EPB41L4A: variants seen among roughly 807,000 people sequenced by gnomAD.
The protein encoded by EPB41L4A is erythrocyte membrane protein band 4.1 like 4A.
A neutral mutation model predicts 108.6 loss-of-function variants in EPB41L4A; 100 were observed. That is an observed-to-expected ratio of 0.92 (90% CI 0.78 to 1.09). EPB41L4A has a LOEUF of 1.09. Ranked by LOEUF, EPB41L4A falls within the 50% of genes least tolerant of loss-of-function variation. The probability of loss-of-function intolerance (pLI) is 0.00; values close to 1 mark genes in which losing one functional copy is unlikely to be tolerated. For missense variants in EPB41L4A, 1,030 were observed against 842.7 expected (o/e 1.22, Z -2.75); for synonymous variants, 319 against 289.0 (o/e 1.10, Z -1.05).
intron 2 of EPB41L4A, among the ~76,000 whole-genome samples, chr5:112,297,230 G>A (rs761013859): frequency 8.5e-5 from 13 of 152,128 alleles, no homozygotes; most frequent in Non-Finnish European, 1.6e-4. Flanking sequence ...TTTCCATAGT[G>A]GCTGTACTAG....
intron 1 of EPB41L4A, among the ~76,000 whole-genome samples, chr5:112,312,505 T>C (rs72781677): frequency 0.17 from 25,573 of 151,860 alleles, 2,624 homozygotes; most frequent in African/African-American, 0.28. Flanking sequence ...AGTGCAGGTG[T>C]GTCTACACAG....
chr5:112,305,902 G>A (rs1411553752), intron 2 of EPB41L4A, among the ~76,000 whole-genome samples: 1 of 152,074 alleles, frequency 6.6e-6, no homozygotes, highest in African/African-American at 2.4e-5. Flanking sequence ...ACCTTTAGGA[G>A]TAAAAGTAAG....
intron 9 of EPB41L4A, among the ~76,000 whole-genome samples, chr5:112,255,326 A>G (rs77369145): frequency 0.028 from 4,197 of 152,082 alleles, 283 homozygotes; most frequent in East Asian, 0.27. Flanking sequence ...ATATGCATCA[A>G]TTTATTTGTT....
At position 112,259,936 on chromosome 5, in the gene EPB41L4A, C is replaced by T; in HGVS notation, c.686G>A (p.Gly229Asp). The change falls in exon 8 of 23, where the codon GGT (glycine) becomes GAT (aspartate). Residue 229 changes from glycine to aspartate, a missense_variant. Gly to Asp is a moderately conservative substitution (Grantham distance 94). Coordinates refer to ENST00000261486, the MANE Select transcript of EPB41L4A (RefSeq NM_022140.5). ...SEYFLGLTPV[G>D]VVVYKNKKQV... ...CTTTTTATTCTTGTACACAACAACA[C>T]CAACCGGAGTTAATCCTAAGAAATA... 1 of 1,614,102 alleles carries T rather than the reference C, an allele frequency of 6.2e-7. No individual in the cohort carries two copies. The highest frequency in any genetic ancestry group is 8.5e-7 in the Non-Finnish European group (1 of 1,179,972).
upstream of EPB41L4A, chr5:112,419,787 C>T (rs1449097103): frequency 2.2e-6 from 1 of 456,626 alleles, no homozygotes; most frequent in Non-Finnish European, 4.4e-6. Flanking sequence ...GTCAGCTCGT[C>T]GCGGGGTGTG....
At chr5:112,231,556 C>T (rs1222326394) in intron 12 of EPB41L4A, among the ~76,000 whole-genome samples, 1 of 150,924 alleles carries the variant, frequency 6.6e-6, no homozygotes, top group Non-Finnish European at 1.5e-5. Flanking sequence ...GAGGCCGAGG[C>T]GGGTGGATCA....
chr5:112,259,098 C>A, intron 9 of EPB41L4A, 131 bp downstream of exon 9: 1 of 697,440 alleles, frequency 1.4e-6, no homozygotes, highest in Admixed American at 2.4e-5. Context: ...AGAAGTTGTG[C>A]ATGTGAGTTA....
At chr5:112,155,778 T>C (rs1352653683) in intron 12 of EPB41L4A, among the ~76,000 whole-genome samples, 2 of 152,188 alleles carry the variant, frequency 1.3e-5, no homozygotes, top group East Asian at 1.9e-4. Flanking sequence ...AAATTTAATA[T>C]AGGTTTACCA....
In EPB41L4A at chr5:112,387,996, G is replaced by A. The variant is rs185308661; in HGVS notation, c.99+30945C>T. 2.0e-5 allele frequency among the ~76,000 whole-genome samples: 3 copies of A among 152,252 alleles called. No individual in the cohort carries two copies. The East Asian group carries it at 5.8e-4, about 29-fold the overall frequency. Reference sequence around the variant, plus strand: ...GTATCTCAATTTTCTATCACTGTAGGAGGACTGACAGAAATTTTAAGGCAC... The same window carrying A: ...GTATCTCAATTTTCTATCACTGTAGAAGGACTGACAGAAATTTTAAGGCAC... On this transcript the variant is annotated intron_variant, in intron 1 of 22. Transcript: ENST00000261486.
chr5:112,145,728 A>G (rs901759661), intron 13 of EPB41L4A, among the ~76,000 whole-genome samples: 2 of 152,208 alleles, frequency 1.3e-5, no homozygotes, highest in Non-Finnish European at 2.9e-5. Flanking sequence ...ATCATCCCAA[A>G]TTTGATAAAC....
chr5:112,258,318 G>C lies in EPB41L4A; in HGVS notation c.795+911C>G, dbSNP rs145645806. 4.0e-4 allele frequency among the ~76,000 whole-genome samples: 61 copies of C among 152,270 alleles called. No individual in the cohort carries two copies. The East Asian group carries it at 0.012, about 29-fold the overall frequency. On this transcript the variant is annotated intron_variant, in intron 9 of 22. Transcript: ENST00000261486. ...TGCCAAATACCATACCCCAAATGTAGCTGCAGCTCTCCTATTCCTGTGTCT... is the reference window on the plus strand; with the variant it reads ...TGCCAAATACCATACCCCAAATGTACCTGCAGCTCTCCTATTCCTGTGTCT...
At chr5:112,379,780 A>C (rs1405157106) in intron 1 of EPB41L4A, among the ~76,000 whole-genome samples, 4 of 152,240 alleles carry the variant, frequency 2.6e-5, no homozygotes, top group African/African-American at 9.6e-5. Flanking sequence ...CCTAGCAGTA[A>C]CAGAGAGTTG....
chr5:112,398,411 G>A (rs1177986743), intron 1 of EPB41L4A, among the ~76,000 whole-genome samples: 1 of 151,924 alleles, frequency 6.6e-6, no homozygotes, highest in African/African-American at 2.4e-5. Context: ...TTGTCTTTGA[G>A]ACAGTCTCAC....
At chr5:112,305,318 G>C (rs939816173) in intron 2 of EPB41L4A, among the ~76,000 whole-genome samples, 1 of 152,108 alleles carries the variant, frequency 6.6e-6, no homozygotes, top group Non-Finnish European at 1.5e-5. Flanking sequence ...TAATAATGGA[G>C]AATGATGAGT....
intron 1 of EPB41L4A, among the ~76,000 whole-genome samples, chr5:112,403,368 T>C (rs191207939): frequency 6.6e-6 from 1 of 150,614 alleles, no homozygotes; most frequent in Non-Finnish European, 1.5e-5. Context: ...AGTCAGAGTC[T>C]TACAAAGGCT....
intron 13 of EPB41L4A, among the ~76,000 whole-genome samples, chr5:112,145,065 G>A (rs1009424300): frequency 1.3e-5 from 2 of 152,192 alleles, no homozygotes; most frequent in African/African-American, 2.4e-5. Flanking sequence ...CGAGGTGGGC[G>A]TATCACTTGA....
chr5:112,291,045 C>T (rs1753607337), intron 2 of EPB41L4A, among the ~76,000 whole-genome samples: 1 of 152,204 alleles, frequency 6.6e-6, no homozygotes, highest in African/African-American at 2.4e-5. Context: ...GCCTACTCCC[C>T]TACTCCCCTA....
intron 13 of EPB41L4A, among the ~76,000 whole-genome samples, chr5:112,208,056 G>A (rs1269426066): frequency 1.3e-5 from 2 of 152,158 alleles, no homozygotes; most frequent in South Asian, 2.1e-4. Context: ...GACCATCCTG[G>A]CCAACCTGGT....
intron 1 of EPB41L4A, among the ~76,000 whole-genome samples, chr5:112,376,015 C>A (rs1174233762): frequency 6.6e-6 from 1 of 152,196 alleles, no homozygotes. Flanking sequence ...TAAATAAAAA[C>A]AAAAACCAAT....
Sources: gnomAD v4.1 joint callset for allele counts (sites outside exome capture counted in the v4.1 genomes callset) on GRCh38, gnomAD v4.1.1 for gene constraint, MANE v1.5 for transcripts, NCBI Gene and HGNC (gene_info 2026-07-23, HGNC 2026-07-21) for gene names.